The following PCNX3 variants were observed in gnomAD, a reference collection of about 807,000 sequenced individuals.
The protein encoded by PCNX3 is pecanex 3, also known as pecanex-like protein 3.
In PCNX3, 58 loss-of-function variants were observed where a neutral mutation model predicts 207.2. The observed-to-expected ratio is 0.28, with a 90% confidence interval of 0.23 to 0.35. The LOEUF is 0.35. Among genes scored for constraint, PCNX3 ranks in the 10% least tolerant of loss-of-function variants. The probability of loss-of-function intolerance (pLI) is 1.00; values close to 1 mark genes in which losing one functional copy is unlikely to be tolerated. For synonymous variants in PCNX3, 1,337 were observed against 1,183.5 expected (o/e 1.13, Z -2.66); for missense variants, 2,410 against 2,774.4 (o/e 0.87, Z 2.95).
chr11:65,622,091 CAG>C lies in PCNX3; in HGVS notation c.2236-153_2236-152del, dbSNP rs879193046. The C allele has an allele frequency of 3.3e-5, 29 of 887,516 alleles. No homozygotes were observed. The South Asian group carries it at 9.3e-4, about 28-fold the overall frequency. 55.0% of individuals were successfully genotyped at this position (887,516 alleles called of 1,614,324 possible). ...TCTGGTGGGGTCCAGGGCCGCTAGA[CAG>C]GGGCCTTTATGTGCTGATGGAAATG... is the stretch of plus-strand genomic sequence containing the variant. On this transcript the variant is annotated intron_variant, in intron 10 of 34. Transcript: ENST00000355703.
rs750490315 is a variant in PCNX3 at position 65,616,872 on chromosome 11, G to T, written c.202G>T (p.Ala68Ser). 7.4e-6 allele frequency: 12 copies of T among 1,613,660 alleles called. No homozygotes were observed. The highest frequency in any genetic ancestry group is 7.6e-6 in the Non-Finnish European group (9 of 1,179,846). Residue 68 changes from alanine (A) to serine (S), a missense_variant, in exon 2 of 35, where the codon GCT (alanine) becomes TCT (serine). Ala to Ser is a moderately conservative substitution (Grantham distance 99, BLOSUM62 1). Coordinates refer to ENST00000355703, the MANE Select transcript of PCNX3 (RefSeq NM_032223.4). ...MVAGVYCLVV[A>S]VIFATIKTVN... ...GGCCGGCGTGTACTGCCTCGTGGTG[G>T]CTGTCATCTTTGCTACTATCAAGAC...
In PCNX3 at chr11:65,625,610, C is replaced by G. The variant is rs375029903; in HGVS notation, c.3136-42C>G. On this transcript the variant is annotated intron_variant, in intron 18 of 34. Transcript: ENST00000355703. The surrounding 1 kb of genome is among the most constrained non-coding windows in gnomAD (Gnocchi z 5.6). ...CTTGGGCTGCTGGGCAGCTGAGTGT[C>G]TCTCCTGGCCGGGCAGCTGAATGTC... 16 of 1,596,840 alleles carry G rather than the reference C, an allele frequency of 1.0e-5. No homozygotes were observed. Among genetic ancestry groups the G allele is most frequent in the South Asian group, 6.7e-5 (6 of 89,712 alleles).
intron 27 of PCNX3, among the ~76,000 whole-genome samples, chr11:65,633,459 C>T (rs1003717043): frequency 1.3e-5 from 2 of 152,242 alleles, no homozygotes; most frequent in African/African-American, 4.8e-5. Flanking sequence ...CTTCCGGCCC[C>T]GAGATCTGGA....
chr11:65,618,670 C>G lies in PCNX3; in HGVS notation c.1308C>G (p.Leu436=), dbSNP rs774209283. Residue 436 remains leucine, a synonymous_variant, in exon 6 of 35, where the codon CTC becomes CTG. Transcript: ENST00000355703. ...EGSELSPASS[L]RSQRRYSTDS... The stretch of plus-strand genomic sequence containing the variant: ...GTGAACTGAGCCCGGCCTCCAGTCT[C>G]CGATCGCAGCGCCGCTACAGTACTG... The G allele has an allele frequency of 1.2e-6, 2 of 1,613,338 alleles. No individual in the cohort carries two copies. Among genetic ancestry groups the G allele is most frequent in the Non-Finnish European group, 1.7e-6 (2 of 1,179,852 alleles).
In PCNX3 at chr11:65,629,506, G is replaced by C. The variant is rs768944443; in HGVS notation, c.4001-14G>C. The C allele has an allele frequency of 1.9e-6, 3 of 1,613,512 alleles. No individual in the cohort carries two copies. The stretch of plus-strand genomic sequence containing the variant: ...TGTCACTTTGTCCATTTGCCCGTCT[G>C]TTCTGGGTCTTAGGCGCTGATGACA... On this transcript the variant is annotated splice_polypyrimidine_tract_variant and intron_variant, in intron 25 of 34. Coordinates refer to ENST00000355703, the MANE Select transcript of PCNX3 (RefSeq NM_032223.4).
chr11:65,627,064 C>T lies in PCNX3; in HGVS notation c.3524+16C>T. Reference sequence around the variant, plus strand: ...ACTGCTTCTAGTGAGGACCACCCCACCCTCAACGATCCCATCATCCGCTTT... The same window carrying T: ...ACTGCTTCTAGTGAGGACCACCCCATCCTCAACGATCCCATCATCCGCTTT... On this transcript the variant is annotated intron_variant, in intron 21 of 34. Coordinates refer to ENST00000355703, the MANE Select transcript of PCNX3 (RefSeq NM_032223.4). 1.4e-6 allele frequency: 2 copies of T among 1,476,170 alleles called. No homozygotes were observed. Among genetic ancestry groups the T allele is most frequent in the African/African-American group, 1.4e-5 (1 of 70,236 alleles). 91.4% of individuals were successfully genotyped at this position (1,476,170 alleles called of 1,614,324 possible). A position where few individuals can be genotyped will look rare whatever the true frequency, so the allele number is the denominator to read the frequency against.
intron 11 of PCNX3, among the ~76,000 whole-genome samples, chr11:65,623,147 A>AT (rs922071984): frequency 7.9e-5 from 12 of 152,238 alleles, no homozygotes; most frequent in African/African-American, 1.2e-4. Flanking sequence ...TCCTGTGTGC[A>AT]TAGCGTGGCA....
chr11:65,635,022 C>T lies in PCNX3; in HGVS notation c.4855C>T (p.Arg1619Cys), dbSNP rs758077741. The T allele has an allele frequency of 6.2e-7, 1 of 1,613,922 alleles. No homozygotes were observed. The highest frequency in any genetic ancestry group is 1.7e-5 in the Admixed American group (1 of 60,008). Residue 1619 changes from arginine (R) to cysteine (C), a missense_variant, in exon 30 of 35, where the codon CGC (arginine) becomes TGC (cysteine). By Grantham distance (180) the Arg-to-Cys change is radical (BLOSUM62 -3). Coordinates refer to ENST00000355703, the MANE Select transcript of PCNX3 (RefSeq NM_032223.4). This position sits in a 1 kb window ranked among gnomAD's most constrained non-coding sequence, Gnocchi z 9.9. ...GCACGCCCTGTTCAAGGGGGATTTT[C>T]GCATCACCTCCCCACGTGACGAGTG... ...GLHALFKGDF[R>C]ITSPRDEWVF...
In PCNX3 at chr11:65,618,949, T is replaced by C; in HGVS notation, c.1587T>C (p.Val529=). Residue 529 remains valine (V), a synonymous_variant, in exon 6 of 35, where the codon GTT becomes GTC. Transcript: ENST00000355703. The part of the protein sequence containing the change: ...AGCKAELEAQ[V]GVEQAASEPV... ...GCAAGGCAGAGCTGGAGGCCCAGGTTGGGGTGGAGCAGGCTGCTAGTGAGC... is the reference window on the plus strand; with the variant it reads ...GCAAGGCAGAGCTGGAGGCCCAGGTCGGGGTGGAGCAGGCTGCTAGTGAGC... 1.2e-6 allele frequency: 2 copies of C among 1,605,396 alleles called. No homozygotes were observed. Among genetic ancestry groups the C allele is most frequent in the Non-Finnish European group, 1.7e-6 (2 of 1,177,664 alleles).
In PCNX3 at chr11:65,622,893, C is replaced by T. The variant is rs113600468; in HGVS notation, c.2357+527C>T. Among the ~76,000 whole-genome samples the T allele has an allele frequency of 1.4e-4, 22 of 152,276 alleles. 1 individual carries two copies. Among genetic ancestry groups the T allele is most frequent in the African/African-American group, 4.6e-4 (19 of 41,544 alleles). ...CTGGGATTACAGGCGTGAGCTACCG[C>T]GCCCGGCCATCCTATTCACTTTTTT... On this transcript the variant is annotated intron_variant, in intron 11 of 34. Transcript: ENST00000355703.
At chr11:65,626,711 G>A (rs369447620) in intron 20 of PCNX3, 193 bp from the exon 21 acceptor site, 10 of 689,074 alleles carry the variant, frequency 1.5e-5, no homozygotes, top group Non-Finnish European at 1.9e-5. Flanking sequence ...AGCAAGCCTC[G>A]ATGTGCTAAG....
chr11:65,628,769 T>TGGGGGGGGGGGGTGGGGGGGGGGGG, intron 23 of PCNX3, 50 bp from the exon 24 acceptor site: 2 of 299,576 alleles, frequency 6.7e-6, no homozygotes, highest in East Asian at 7.8e-5. Context: ...TGGGGGGTGG[T>TGGGGGGGGGGGGTGGGGGGGGGGGG]GGGGGGCTGG....
In PCNX3 at chr11:65,625,674, T is replaced by C; in HGVS notation, c.3158T>C (p.Leu1053Pro). Residue 1053 changes from leucine to proline, a missense_variant, in exon 19 of 35, where the codon CTG becomes CCG. Physicochemically the swap from Leu to Pro is moderately conservative, Grantham distance 98 (BLOSUM62 -3). Transcript: ENST00000355703. The surrounding 1 kb of genome is among the most constrained non-coding windows in gnomAD (Gnocchi z 5.6). Reference sequence around the variant, plus strand: ...CAGCGTGAGGTCTTGCACTCCGACCTGGTGATGTGTGTGGTGATCGCCGTG... The same window carrying C: ...CAGCGTGAGGTCTTGCACTCCGACCCGGTGATGTGTGTGGTGATCGCCGTG... ...QSVREVLHSD[L>P]VMCVVIAVLT... The C allele has an allele frequency of 1.2e-6, 2 of 1,613,062 alleles. No homozygotes were observed. Among genetic ancestry groups the C allele is most frequent in the Non-Finnish European group, 1.7e-6 (2 of 1,179,826 alleles).
intron 28 of PCNX3, 34 bp from the exon 29 acceptor site, chr11:65,634,504 G>T: frequency 1.3e-6 from 2 of 1,556,040 alleles, no homozygotes; most frequent in Non-Finnish European, 8.7e-7. Context: ...CCAGGTCTGA[G>T]CTGGGCTCTG....
Position 65,618,496 on chromosome 11 carries a change from C to T in PCNX3, c.1134C>T (p.Leu378=), listed in dbSNP as rs1191330315. ...AGTPPGLAEP[L]LVVRPKDLAL... is the part of the protein sequence containing the mutation. ...CGCCACCGGGCCTGGCTGAGCCGCT[C>T]CTGGTCGTGCGGCCCAAGGACTTGG... The change falls in exon 6 of 35, where the codon CTC becomes CTT. Residue 378 remains leucine (L), a synonymous_variant. Coordinates refer to ENST00000355703, the MANE Select transcript of PCNX3 (RefSeq NM_032223.4). 1.2e-6 allele frequency: 2 copies of T among 1,609,984 alleles called. No homozygotes were observed. The highest frequency in any genetic ancestry group is 1.1e-5 in the South Asian group (1 of 90,704).
Position 65,626,171 on chromosome 11 carries a change from C to G in PCNX3, c.3379+117C>G. 4.4e-6 allele frequency: 6 copies of G among 1,355,140 alleles called. 1 individual carries two copies. The highest frequency in any genetic ancestry group is 2.5e-5 in the South Asian group (2 of 79,886). The allele number at this position is 1,355,140 out of a possible 1,614,324, so 83.9% of individuals were successfully genotyped here. A position where few individuals can be genotyped will look rare whatever the true frequency, so the allele number is the denominator to read the frequency against. ...CAGCAGGGGGCACTCGCTGCCCACACTACCCTTTCTGCTCCCTCCCTGCCC... is the reference window on the plus strand; with the variant it reads ...CAGCAGGGGGCACTCGCTGCCCACAGTACCCTTTCTGCTCCCTCCCTGCCC... On this transcript the variant is annotated intron_variant, in intron 20 of 34. Transcript: ENST00000355703.
rs1356641695 is a variant in PCNX3 at position 65,624,542 on chromosome 11, C to G, written c.2788C>G (p.Leu930Val). The change falls in exon 15 of 35, where the codon CTG becomes GTG. Residue 930 changes from leucine (L) to valine (V), a missense_variant. By Grantham distance (32) the Leu-to-Val change is conservative (BLOSUM62 1). This residue lies in a region of PCNX3 where 18 missense variants were observed against 46.2 expected (regional missense o/e 0.39). Coordinates refer to ENST00000355703, the MANE Select transcript of PCNX3 (RefSeq NM_032223.4). ...LPQVNTCLMY[L>V]LEQIDMHGFG... ...CCAGGTCAACACCTGCCTCATGTACCTGCTGGAGCAAATAGATATGCACGG... is the reference window on the plus strand; with the variant it reads ...CCAGGTCAACACCTGCCTCATGTACGTGCTGGAGCAAATAGATATGCACGG... 1 of 1,608,940 alleles carries G rather than the reference C, an allele frequency of 6.2e-7. No homozygotes were observed. Among genetic ancestry groups the G allele is most frequent in the South Asian group, 1.1e-5 (1 of 89,668 alleles).
In PCNX3 at chr11:65,625,544, G is replaced by A. The variant is rs371749490; in HGVS notation, c.3135+34G>A. 76 of 1,571,784 alleles carry A rather than the reference G, an allele frequency of 4.8e-5. No homozygotes were observed. Among genetic ancestry groups the A allele is most frequent in the Middle Eastern group, 2.1e-4 (1 of 4,808 alleles). On this transcript the variant is annotated intron_variant, in intron 18 of 34. Transcript: ENST00000355703. The surrounding 1 kb of genome is among the most constrained non-coding windows in gnomAD (Gnocchi z 5.6). The stretch of plus-strand genomic sequence containing the variant: ...GCGGGGGGTGGGGGTCTGTGGGGAG[G>A]TGGTGACAGGTCCTGGGGTTCCTGG...
rs774970244 is a variant in PCNX3, at chr11:65,627,359, G to A, written c.3525-46G>A. 15 of 1,583,344 alleles carry A rather than the reference G, an allele frequency of 9.5e-6. No homozygotes were observed. The South Asian group carries it at 1.5e-4, about 15-fold the overall frequency. ...GAGGGATGGGACACCTATACCCACT[G>A]CCCCGGTCCCCTACCAAGCACCCGA... On this transcript the variant is annotated intron_variant, in intron 21 of 34. Transcript: ENST00000355703.
Sources: allele counts gnomAD v4.1 joint callset (sites outside exome capture counted in the v4.1 genomes callset), GRCh38; gene constraint gnomAD v4.1.1; regional missense constraint gnomAD v4.1.1; non-coding constraint Gnocchi (gnomAD v3.1); transcripts MANE v1.5; gene names NCBI Gene and HGNC (gene_info 2026-07-23, HGNC 2026-07-21).